ALCAM: variants seen among roughly 807,000 people sequenced by gnomAD.
ALCAM encodes the protein CD166 antigen.
In ALCAM, 30 loss-of-function variants were observed where a neutral mutation model predicts 70.9. That is an observed-to-expected ratio of 0.42 (90% CI 0.32 to 0.57). The LOEUF (loss-of-function observed/expected upper bound fraction) is 0.57. Ranked by LOEUF, ALCAM falls within the 20% of genes least tolerant of loss-of-function variation. The probability of loss-of-function intolerance (pLI) is 0.11; values close to 1 mark genes in which losing one functional copy is unlikely to be tolerated. For missense variants in ALCAM, 591 were observed against 695.1 expected (o/e 0.85, Z 1.68); for synonymous variants, 249 against 242.5 (o/e 1.03, Z -0.25).
intron 1 of ALCAM, among the ~76,000 whole-genome samples, chr3:105,442,725 G>A (rs1194862236): frequency 1.3e-5 from 2 of 151,810 alleles, no homozygotes; most frequent in Non-Finnish European, 2.9e-5. Flanking sequence ...AGCTTGCAGT[G>A]AGCCGAGATC....
chr3:105,524,148 T>G (rs1309876413), intron 2 of ALCAM, 141 bp from the exon 3 acceptor site: 1 of 720,144 alleles, frequency 1.4e-6, no homozygotes, highest in Non-Finnish European at 2.2e-6. Context: ...AATATTTACG[T>G]GAGACTTGTA....
intron 1 of ALCAM, among the ~76,000 whole-genome samples, chr3:105,477,440 G>A (rs1288978281): frequency 6.6e-6 from 1 of 152,048 alleles, no homozygotes; most frequent in Non-Finnish European, 1.5e-5. Flanking sequence ...CTTTAAAGAT[G>A]TTGATTTATT....
At chr3:105,478,410 A>T (rs1938179416) in intron 1 of ALCAM, among the ~76,000 whole-genome samples, 1 of 152,072 alleles carries the variant, frequency 6.6e-6, no homozygotes, top group Admixed American at 6.6e-5. Context: ...CCTCTCCAGG[A>T]TTCCCCCTTA....
chr3:105,367,258 T>G lies in ALCAM; in HGVS notation c.-151T>G. 1.4e-6 allele frequency: 1 copy of G among 691,998 alleles called. No homozygotes were observed. 42.9% of individuals were successfully genotyped at this position (691,998 alleles called of 1,614,324 possible). A position where few individuals can be genotyped will look rare whatever the true frequency, so the allele number is the denominator to read the frequency against. On this transcript the variant is annotated 5_prime_UTR_variant, in exon 1 of 16. Coordinates refer to ENST00000306107, the MANE Select transcript of ALCAM (RefSeq NM_001627.4). Reference sequence around the variant, plus strand: ...GTTGCGTGCGGCAGAGAACCGAAGGTGCAGCGCCACAGCCCAGGGGACGGT... The same window carrying G: ...GTTGCGTGCGGCAGAGAACCGAAGGGGCAGCGCCACAGCCCAGGGGACGGT...
At chr3:105,458,872 G>A (rs1276776651) in intron 1 of ALCAM, among the ~76,000 whole-genome samples, 1 of 151,942 alleles carries the variant, frequency 6.6e-6, no homozygotes, top group South Asian at 2.1e-4. Context: ...TACCCTATTT[G>A]GTCTCTCTGT....
chr3:105,373,564 C>A (rs1404300883), intron 1 of ALCAM, among the ~76,000 whole-genome samples: 1 of 152,126 alleles, frequency 6.6e-6, no homozygotes, highest in Non-Finnish European at 1.5e-5. Context: ...GCCTTTGGTG[C>A]AAAATCAACA....
intron 1 of ALCAM, among the ~76,000 whole-genome samples, chr3:105,504,573 ACGGCCTGC>A (rs1405562770): frequency 7.2e-6 from 1 of 138,500 alleles, no homozygotes; most frequent in Non-Finnish European, 1.6e-5. Flanking sequence ...CTGCAAGCCC[ACGGCCTGC>A]CGGCCTGCTG....
chr3:105,483,146 G>A (rs1390995694), intron 1 of ALCAM, among the ~76,000 whole-genome samples: 2 of 152,052 alleles, frequency 1.3e-5, no homozygotes, highest in African/African-American at 4.8e-5. Flanking sequence ...GCCTACTGCT[G>A]GAAGATAGCA....
intron 12 of ALCAM, 104 bp from the exon 13 acceptor site, chr3:105,552,040 C>A: frequency 7.2e-6 from 5 of 693,840 alleles, no homozygotes; most frequent in Non-Finnish European, 4.6e-6. Flanking sequence ...ATAGAATAGA[C>A]ATTTTATCTT....
rs547784298 is a variant in ALCAM, at chr3:105,385,011, A to T, written c.73+17530A>T. 4.0e-5 allele frequency among the ~76,000 whole-genome samples: 6 copies of T among 151,694 alleles called. No individual in the cohort carries two copies. The East Asian group carries it at 7.8e-4, about 20-fold the overall frequency. Reference sequence around the variant, plus strand: ...CAAAGAGGCTACATGACAATTTTTTAAAAAATCTTTTCTATTACTTGAAAA... The same window carrying T: ...CAAAGAGGCTACATGACAATTTTTTTAAAAATCTTTTCTATTACTTGAAAA... On this transcript the variant is annotated intron_variant, in intron 1 of 15. Coordinates refer to ENST00000306107, the MANE Select transcript of ALCAM (RefSeq NM_001627.4).
At chr3:105,560,697 G>A (rs1024129130) in intron 14 of ALCAM, among the ~76,000 whole-genome samples, 37 of 152,052 alleles carry the variant, frequency 2.4e-4, no homozygotes, top group Non-Finnish European at 4.3e-4. Context: ...CTAAAATTTT[G>A]TGTCTAGTGT....
At chr3:105,512,890 T>C (rs982369154) in intron 1 of ALCAM, among the ~76,000 whole-genome samples, 4 of 151,874 alleles carry the variant, frequency 2.6e-5, no homozygotes, top group Non-Finnish European at 4.4e-5. Context: ...GGAACTTCAG[T>C]TAACACAAAT....
intron 1 of ALCAM, among the ~76,000 whole-genome samples, chr3:105,417,960 A>G (rs1331896661): frequency 1.3e-5 from 2 of 151,502 alleles, no homozygotes; most frequent in East Asian, 1.9e-4. Context: ...TTTGGCTATA[A>G]TCTGAGGAGG....
chr3:105,415,889 G>C (rs1936495347), intron 1 of ALCAM, among the ~76,000 whole-genome samples: 1 of 151,900 alleles, frequency 6.6e-6, no homozygotes, highest in Admixed American at 6.6e-5. Flanking sequence ...AAATATTTTG[G>C]GGCCTAAAGA....
chr3:105,430,938 G>A (rs1936914597), intron 1 of ALCAM, among the ~76,000 whole-genome samples: 1 of 151,988 alleles, frequency 6.6e-6, no homozygotes, highest in Non-Finnish European at 1.5e-5. Context: ...TGCTCAAATA[G>A]TTTCAGACAT....
intron 1 of ALCAM, among the ~76,000 whole-genome samples, chr3:105,378,332 G>C (rs2107328638): frequency 6.6e-6 from 1 of 152,056 alleles, no homozygotes; most frequent in South Asian, 2.1e-4. Context: ...GTAATTTAAT[G>C]AGTAAAGCAG....
At chr3:105,453,129 TGTCATGAA>T (rs1455899019) in intron 1 of ALCAM, among the ~76,000 whole-genome samples, 1 of 152,182 alleles carries the variant, frequency 6.6e-6, no homozygotes, top group East Asian at 1.9e-4. Flanking sequence ...TTAGCATTTT[TGTCATGAA>T]GTCTTTGCCT....
At chr3:105,553,527 T>A (rs632511) in intron 14 of ALCAM, among the ~76,000 whole-genome samples, 1 of 151,788 alleles carries the variant, frequency 6.6e-6, no homozygotes, top group Non-Finnish European at 1.5e-5. Flanking sequence ...CTTTAAAAAA[T>A]GTAAGAAAGT....
intron 1 of ALCAM, among the ~76,000 whole-genome samples, chr3:105,405,998 T>C (rs1936218908): frequency 6.6e-6 from 1 of 152,154 alleles, no homozygotes; most frequent in Non-Finnish European, 1.5e-5. Flanking sequence ...CTGGAAATTA[T>C]CACTAGACCA....
Sources: gnomAD v4.1 joint callset for allele counts (sites outside exome capture counted in the v4.1 genomes callset) on GRCh38, gnomAD v4.1.1 for gene constraint, MANE v1.5 for transcripts, NCBI Gene and HGNC (gene_info 2026-07-23, HGNC 2026-07-21) for gene names.